Variants in TBCK observed in about 807,000 individuals in gnomAD.
The protein encoded by TBCK is TBC domain-containing protein kinase-like protein.
TBCK carries 99 observed loss-of-function variants against 113.4 expected under a neutral mutation model. The ratio of observed to expected loss-of-function variants is 0.87; its 90% CI spans 0.74 to 1.03. The LOEUF (loss-of-function observed/expected upper bound fraction) is 1.03, where lower values mean the gene tolerates loss of function less well. TBCK is among the 50% of genes least tolerant of loss of function. The probability of loss-of-function intolerance (pLI) is 0.00; values close to 1 mark genes in which losing one functional copy is unlikely to be tolerated. For missense variants in TBCK, 1,045 were observed against 1,061.3 expected, an observed-to-expected ratio of 0.98 and a Z score of 0.21; for synonymous variants, 369 against 370.8, an observed-to-expected ratio of 1.00 and a Z score of 0.05.
chr4:106,288,429 G>A (rs2125818665), intron 3 of TBCK, among the ~76,000 whole-genome samples: 1 of 152,130 alleles, frequency 6.6e-6, no homozygotes, highest in South Asian at 2.1e-4. Context: ...AATTTACATA[G>A]GTAAAATGCA....
At chr4:106,253,437 A>G (rs1761643469) in intron 5 of TBCK, among the ~76,000 whole-genome samples, 1 of 152,202 alleles carries the variant, frequency 6.6e-6, no homozygotes, top group African/African-American at 2.4e-5. Flanking sequence ...TATGGTATAC[A>G]TCTGCAAAAG....
Position 106,295,873 on chromosome 4 carries a change from G to A in TBCK, c.194-707C>T, listed in dbSNP as rs1766248589. Among the ~76,000 whole-genome samples the A allele has an allele frequency of 2.0e-5, 3 of 151,474 alleles. No individual in the cohort carries two copies. The South Asian group carries it at 6.2e-4, about 31-fold the overall frequency. On this transcript the variant is annotated intron_variant, in intron 2 of 25. Coordinates refer to ENST00000394708, the MANE Select transcript of TBCK (RefSeq NM_001163435.3). ...TTTCTTATTTTTTCCTATATTTCTAGGCTACATGGTTCATCTATGAGTTTT... is the reference window on the plus strand; with the variant it reads ...TTTCTTATTTTTTCCTATATTTCTAAGCTACATGGTTCATCTATGAGTTTT...
chr4:106,150,386 A>G (rs988609705), intron 23 of TBCK, among the ~76,000 whole-genome samples: 4 of 152,138 alleles, frequency 2.6e-5, no homozygotes, highest in Admixed American at 6.6e-5. Context: ...CCCTGTATGC[A>G]CATGTTGTTA....
chr4:106,294,447 G>A (rs1766054781), intron 3 of TBCK, among the ~76,000 whole-genome samples: 1 of 150,746 alleles, frequency 6.6e-6, no homozygotes, highest in Non-Finnish European at 1.5e-5. Context: ...CCAACATAGT[G>A]AAGCCCCACT....
At chr4:106,225,686 T>A (rs766821838) in intron 19 of TBCK, among the ~76,000 whole-genome samples, 2 of 152,020 alleles carry the variant, frequency 1.3e-5, no homozygotes, top group African/African-American at 4.8e-5. Context: ...CTCGAACTCC[T>A]GACGTCGTGA....
At chr4:106,186,265 G>C (rs1011346434) in intron 22 of TBCK, among the ~76,000 whole-genome samples, 2 of 152,104 alleles carry the variant, frequency 1.3e-5, no homozygotes, top group African/African-American at 4.8e-5. Context: ...GGGATTGTTG[G>C]GTTGAATGGA....
intron 22 of TBCK, among the ~76,000 whole-genome samples, chr4:106,192,025 T>C (rs577743605): frequency 2.0e-5 from 3 of 152,288 alleles, no homozygotes; most frequent in Non-Finnish European, 4.4e-5. Flanking sequence ...TTTATTCTAA[T>C]CTTATACCAT....
intron 22 of TBCK, chr4:106,182,503 G>A (rs955287950): frequency 1.3e-5 from 2 of 152,056 alleles, no homozygotes; most frequent in African/African-American, 4.8e-5. Context: ...TTGGCTGTGG[G>A]TCCGTCACAA....
chr4:106,095,939 C>A (rs981453896), intron 24 of TBCK, among the ~76,000 whole-genome samples: 1 of 152,066 alleles, frequency 6.6e-6, no homozygotes, highest in East Asian at 1.9e-4. Flanking sequence ...TAAAGAGGTT[C>A]TATAAAGAGT....
At chr4:106,116,944 T>C (rs557094545) in intron 23 of TBCK, among the ~76,000 whole-genome samples, 1 of 151,888 alleles carries the variant, frequency 6.6e-6, no homozygotes, top group South Asian at 2.1e-4. Context: ...GCACAATAAA[T>C]GTAACGTGCT....
At chr4:106,170,338 T>G (rs1750844889) in intron 23 of TBCK, among the ~76,000 whole-genome samples, 2 of 152,106 alleles carry the variant, frequency 1.3e-5, no homozygotes, top group South Asian at 4.1e-4. Flanking sequence ...ATATATATAT[T>G]CATTTAGCTG....
intron 3 of TBCK, among the ~76,000 whole-genome samples, chr4:106,265,554 G>GC: frequency 6.6e-6 from 1 of 151,934 alleles, no homozygotes; most frequent in South Asian, 2.1e-4. Context: ...GAGAGCAAGA[G>GC]GGAAAGAGAC....
rs374319146 is a variant in TBCK, at chr4:106,194,717, C to A, written c.1897+1G>T. On this transcript the variant is annotated splice_donor_variant, in intron 21 of 25. Coordinates refer to ENST00000394708, the MANE Select transcript of TBCK (RefSeq NM_001163435.3). LOFTEE classifies it high-confidence loss of function. ...AAAAAACCGGGGGAAGTCATACTTA[C>A]GAGTAAACATGGTAAGAAACCAAGG... 5 of 1,590,368 alleles carry A rather than the reference C, an allele frequency of 3.1e-6. No homozygotes were observed. The highest frequency in any genetic ancestry group is 1.1e-5 in the South Asian group (1 of 87,198).
intron 23 of TBCK, among the ~76,000 whole-genome samples, chr4:106,117,008 C>T (rs888639254): frequency 9.2e-5 from 14 of 152,160 alleles, no homozygotes; most frequent in African/African-American, 2.9e-4. Context: ...CATGGAAACA[C>T]TGTCTTCTAG....
At chr4:106,089,042 T>C (rs74829740) in intron 25 of TBCK, among the ~76,000 whole-genome samples, 2 of 151,078 alleles carry the variant, frequency 1.3e-5, no homozygotes, top group African/African-American at 4.9e-5. Context: ...GTATCCTTTT[T>C]TTTTTTAATA....
intron 23 of TBCK, among the ~76,000 whole-genome samples, chr4:106,137,114 G>A (rs1429405544): frequency 1.4e-5 from 2 of 140,062 alleles, no homozygotes; most frequent in Non-Finnish European, 3.2e-5. Flanking sequence ...CAAAGATGTG[G>A]TTAGAGATAA....
intron 25 of TBCK, among the ~76,000 whole-genome samples, chr4:106,052,446 T>C (rs1383001077): frequency 1.3e-5 from 2 of 151,834 alleles, no homozygotes; most frequent in African/African-American, 2.4e-5. Flanking sequence ...ACTACTCCAA[T>C]GTTATCTGGG....
intron 22 of TBCK, among the ~76,000 whole-genome samples, chr4:106,173,635 G>T (rs1391855235): frequency 6.6e-6 from 1 of 152,062 alleles, no homozygotes; most frequent in African/African-American, 2.4e-5. Context: ...GGTTTACAGT[G>T]AATCTTGATG....
At chr4:106,239,046 A>G (rs1759783630) in intron 12 of TBCK, among the ~76,000 whole-genome samples, 1 of 152,076 alleles carries the variant, frequency 6.6e-6, no homozygotes, top group South Asian at 2.1e-4. Flanking sequence ...GAAAGTAACC[A>G]ATCTGAAATA....
Sources: gnomAD v4.1 joint callset for allele counts (sites outside exome capture counted in the v4.1 genomes callset) on GRCh38, gnomAD v4.1.1 for gene constraint, MANE v1.5 for transcripts, NCBI Gene and HGNC (gene_info 2026-07-23, HGNC 2026-07-21) for gene names.